The following CDC42BPA variants were observed in gnomAD, a reference collection of about 807,000 sequenced individuals.
CDC42BPA encodes CDC42 binding protein kinase alpha.
Under a neutral mutation model 223.5 loss-of-function variants are expected in CDC42BPA, and 80 were observed. The observed-to-expected ratio is 0.36, with a 90% CI of 0.30 to 0.43. The LOEUF (loss-of-function observed/expected upper bound fraction) is 0.43. Among genes scored for constraint, CDC42BPA ranks in the 20% least tolerant of loss-of-function variants. The pLI is 1.00. For missense variants in CDC42BPA, 1,743 were observed against 2,099.9 expected (o/e 0.83, Z 3.32); for synonymous variants, 694 against 718.6 (o/e 0.97, Z 0.55).
chr1:227,132,832 G>A (rs1657498015), intron 10 of CDC42BPA, among the ~76,000 whole-genome samples: 1 of 150,306 alleles, frequency 6.7e-6, no homozygotes, highest in African/African-American at 2.4e-5. Context: ...AACCCCGTCT[G>A]GGAGGTGAGG....
At chr1:227,259,453 G>A (rs953218214) in intron 1 of CDC42BPA, among the ~76,000 whole-genome samples, 2 of 150,986 alleles carry the variant, frequency 1.3e-5, no homozygotes, top group Non-Finnish European at 2.9e-5. Flanking sequence ...AAAAGGAAGT[G>A]TTCCGATAGC....
chr1:227,266,163 A>G (rs938718016), intron 1 of CDC42BPA, among the ~76,000 whole-genome samples: 1 of 152,324 alleles, frequency 6.6e-6, no homozygotes, highest in East Asian at 1.9e-4. Flanking sequence ...TATAATTGGT[A>G]TAAGCCCTTT....
chr1:227,276,356 G>A lies in CDC42BPA; in HGVS notation c.179-22201C>T, dbSNP rs568564294. ...AGGAGCGTCTCTGCCCGGCCGCCCC[G>A]TCTGAGAAGTGAGGAGCCCCTCCGC... On this transcript the variant is annotated intron_variant, in intron 1 of 36. Transcript: ENST00000366766. Among the ~76,000 whole-genome samples the A allele has an allele frequency of 7.2e-3, 1,082 of 150,204 alleles. 11 individuals carry two copies. Among genetic ancestry groups the A allele is most frequent in the African/African-American group, 0.025 (1,007 of 40,850 alleles).
At chr1:227,032,238 T>C (rs982997058) in intron 27 of CDC42BPA, among the ~76,000 whole-genome samples, 1 of 152,234 alleles carries the variant, frequency 6.6e-6, no homozygotes, top group African/African-American at 2.4e-5. Context: ...AATTCCTTAT[T>C]AAGTAGCAGT....
chr1:227,303,497 T>G (rs1273412544), intron 1 of CDC42BPA, among the ~76,000 whole-genome samples: 2 of 152,204 alleles, frequency 1.3e-5, no homozygotes, highest in Non-Finnish European at 1.5e-5. Flanking sequence ...AGGAGAGGGA[T>G]AAAGTAACCC....
chr1:227,217,575 T>C (rs1007828640), intron 2 of CDC42BPA, among the ~76,000 whole-genome samples: 1 of 152,172 alleles, frequency 6.6e-6, no homozygotes, highest in African/African-American at 2.4e-5. Flanking sequence ...CCTCTTGAAA[T>C]GTAGCTCAGA....
rs755865684 is a variant in CDC42BPA at position 227,142,689 on chromosome 1, G to A, written c.1223+256C>T. On this transcript the variant is annotated intron_variant, in intron 9 of 36. Coordinates refer to ENST00000366766, the MANE Select transcript of CDC42BPA (RefSeq NM_001394014.1). ...GGCTGCACTGCAATGGCGCAGTCTC[G>A]GCTCACTGCAACCTCCACCTCCCAG... Among the ~76,000 whole-genome samples, 5 of 151,632 alleles carry A rather than the reference G, an allele frequency of 3.3e-5. 1 individual carries two copies. Among genetic ancestry groups the A allele is most frequent in the African/African-American group, 7.3e-5 (3 of 41,246 alleles).
intron 17 of CDC42BPA, among the ~76,000 whole-genome samples, chr1:227,074,826 T>C (rs1679122110): frequency 6.6e-6 from 1 of 152,216 alleles, no homozygotes; most frequent in Non-Finnish European, 1.5e-5. Context: ...ATCAGGGTTA[T>C]ATTGTAATTA....
intron 34 of CDC42BPA, among the ~76,000 whole-genome samples, chr1:227,011,713 T>C (rs141669534): frequency 1.6e-3 from 247 of 152,222 alleles, no homozygotes; most frequent in Admixed American, 2.5e-3. Flanking sequence ...AAAAATGAAA[T>C]AATGTAATAT....
At chr1:227,311,583 A>G (rs1457610178) in intron 1 of CDC42BPA, among the ~76,000 whole-genome samples, 2 of 152,188 alleles carry the variant, frequency 1.3e-5, no homozygotes, top group Non-Finnish European at 2.9e-5. Flanking sequence ...ACCTCTGACA[A>G]TCAATCAAAG....
rs368082253 is a variant in CDC42BPA at position 227,016,911 on chromosome 1, C to T, written c.4739+16G>A. On this transcript the variant is annotated intron_variant, in intron 33 of 36. Transcript: ENST00000366766. ...GTACAAGCAAGCATGGATGATACTA[C>T]AGGTTAAGTATCTACCTCCTCTGCT... 2 of 1,604,954 alleles carry T rather than the reference C, an allele frequency of 1.2e-6. No individual in the cohort carries two copies. The highest frequency in any genetic ancestry group is 2.7e-5 in the African/African-American group (2 of 74,636).
chr1:227,299,320 G>GA (rs1691238144), intron 1 of CDC42BPA, among the ~76,000 whole-genome samples: 1 of 152,108 alleles, frequency 6.6e-6, no homozygotes, highest in African/African-American at 2.4e-5. Context: ...TCTGAGAACT[G>GA]AAACATAAAT....
rs188028429 is a variant in CDC42BPA at position 227,005,628 on chromosome 1, A to G, written c.4858-517T>C. 1.5e-3 allele frequency among the ~76,000 whole-genome samples: 226 copies of G among 152,376 alleles called. 3 individuals carry two copies. Among genetic ancestry groups the G allele is most frequent in the Non-Finnish European group, 4.6e-4 (31 of 68,036 alleles). On this transcript the variant is annotated intron_variant, in intron 34 of 36. Transcript: ENST00000366766. ...ATCTTTACTGACTCACACCAATAGT[A>G]GTACTGGGATTAGAAATAAGACGCT...
chr1:227,258,942 A>G (rs1683578046), intron 1 of CDC42BPA, among the ~76,000 whole-genome samples: 1 of 151,186 alleles, frequency 6.6e-6, no homozygotes, highest in African/African-American at 2.5e-5. Flanking sequence ...ACAAAAATCA[A>G]GGGCATATAA....
intron 6 of CDC42BPA, among the ~76,000 whole-genome samples, chr1:227,155,772 G>C (rs1200139859): frequency 6.6e-6 from 1 of 152,124 alleles, no homozygotes. Flanking sequence ...ATGACACGAC[G>C]ATGAGTATTT....
intron 34 of CDC42BPA, among the ~76,000 whole-genome samples, chr1:227,015,241 T>C (rs1665974297): frequency 6.6e-6 from 1 of 151,400 alleles, no homozygotes; most frequent in Non-Finnish European, 1.5e-5. Flanking sequence ...CTGACCAACA[T>C]GGTGAAACCC....
At chr1:227,043,880 T>G (rs564463348) in intron 23 of CDC42BPA, among the ~76,000 whole-genome samples, 10 of 152,168 alleles carry the variant, frequency 6.6e-5, no homozygotes, top group Non-Finnish European at 1.5e-4. Flanking sequence ...GAGATTTTTC[T>G]GATGAAATGA....
At chr1:227,092,131 T>C in intron 15 of CDC42BPA, 140 bp from the exon 16 acceptor site, 1 of 564,332 alleles carries the variant, frequency 1.8e-6, no homozygotes. Flanking sequence ...ATACAGCTTG[T>C]TTATATATAA....
chr1:227,018,490 A>G (rs1042729990), intron 32 of CDC42BPA, among the ~76,000 whole-genome samples: 5 of 152,174 alleles, frequency 3.3e-5, no homozygotes, highest in Non-Finnish European at 7.4e-5. Flanking sequence ...ATCTACCTCT[A>G]CTCTTAGCCT....
Sources: allele counts gnomAD v4.1 joint callset (sites outside exome capture counted in the v4.1 genomes callset), GRCh38; gene constraint gnomAD v4.1.1; transcripts MANE v1.5; gene names NCBI Gene and HGNC (gene_info 2026-07-23, HGNC 2026-07-21).